Variants in TRIM51G observed in about 807,000 individuals in gnomAD.
TRIM51G encodes the protein tripartite motif-containing protein 51G.
At chr11:48,981,303 C>A in the TRIM51G span, 1 of 1,605,924 alleles carries the variant, frequency 6.2e-7, no homozygotes, top group Non-Finnish European at 8.5e-7. Context: ...CCTCAGCAGC[C>A]CACTCAGTGG....
the TRIM51G span, chr11:48,981,736 G>C: frequency 8.3e-6 from 13 of 1,570,750 alleles, no homozygotes; most frequent in Non-Finnish European, 9.6e-6. Flanking sequence ...TTTGGGTTCT[G>C]GGTTGGTGAA....
the TRIM51G span, among the ~76,000 whole-genome samples, chr11:48,982,587 G>A: frequency 6.6e-6 from 1 of 151,890 alleles, no homozygotes; most frequent in Non-Finnish European, 1.5e-5. Context: ...GCAGAGAGAA[G>A]GCAGTTTCCT....
the TRIM51G span, among the ~76,000 whole-genome samples, chr11:48,979,321 A>G: frequency 6.6e-6 from 1 of 152,192 alleles, no homozygotes; most frequent in African/African-American, 2.4e-5. Context: ...TTTCTAAGAT[A>G]GTTGTATAAA....
the TRIM51G span, chr11:48,980,813 A>G: frequency 7.5e-6 from 3 of 401,016 alleles, no homozygotes; most frequent in South Asian, 3.8e-5. Flanking sequence ...TGATTTCCAG[A>G]AACATTATGG....
chr11:48,983,810 A>G, the TRIM51G span, among the ~76,000 whole-genome samples: 4 of 152,130 alleles, frequency 2.6e-5, no homozygotes, highest in African/African-American at 7.2e-5. Flanking sequence ...CCCCAAGATC[A>G]GGAGTTCATT....
the TRIM51G span, chr11:48,981,654 G>T: frequency 4.4e-6 from 7 of 1,599,242 alleles, no homozygotes; most frequent in South Asian, 7.7e-5. Context: ...AGATGGGACA[G>T]ATGAGTTCCC....
chr11:48,979,109 T>G, the TRIM51G span: 6 of 764,918 alleles, frequency 7.8e-6, no homozygotes, highest in Non-Finnish European at 7.2e-6. Flanking sequence ...AATCCTGCAG[T>G]GACAATTAGT....
At chr11:48,978,161 CTG>C in the TRIM51G span, 7 of 530,464 alleles carry the variant, frequency 1.3e-5, no homozygotes, top group Non-Finnish European at 2.3e-5. Flanking sequence ...CTCCAAAAGA[CTG>C]TAAAAAAAAT....
chr11:48,983,444 A>G, the TRIM51G span, among the ~76,000 whole-genome samples: 1 of 152,106 alleles, frequency 6.6e-6, no homozygotes, highest in Non-Finnish European at 1.5e-5. Flanking sequence ...CTGTACCAAT[A>G]TTAGTACATG....
At chr11:48,977,441 A>G in the TRIM51G span, among the ~76,000 whole-genome samples, 1 of 152,140 alleles carries the variant, frequency 6.6e-6, no homozygotes, top group Non-Finnish European at 1.5e-5. Flanking sequence ...TAGTCTTAAG[A>G]CTGGGAGAAT....
the TRIM51G span, chr11:48,975,781 T>A: frequency 6.4e-7 from 1 of 1,564,310 alleles, no homozygotes. Context: ...CCAATAATTG[T>A]TACAGACACC....
the TRIM51G span, among the ~76,000 whole-genome samples, chr11:48,979,397 A>C: frequency 6.6e-6 from 1 of 152,302 alleles, no homozygotes; most frequent in South Asian, 2.1e-4. Context: ...AAGAATCAAA[A>C]TATCAAGTTA....
At chr11:48,978,147 A>G in the TRIM51G span, 8 of 528,936 alleles carry the variant, frequency 1.5e-5, no homozygotes, top group South Asian at 9.8e-5. Flanking sequence ...CCTTTGTAAT[A>G]TGTCTCCAAA....
At chr11:48,977,255 A>G in the TRIM51G span, 1 of 709,970 alleles carries the variant, frequency 1.4e-6, no homozygotes. Flanking sequence ...TTTATTTAAA[A>G]GACATTTCAT....
chr11:48,982,132 A>AT, the TRIM51G span, among the ~76,000 whole-genome samples: 1 of 151,972 alleles, frequency 6.6e-6, no homozygotes, highest in Non-Finnish European at 1.5e-5. Context: ...GCTATGACAT[A>AT]TTTTTAGAGA....
the TRIM51G span, chr11:48,981,423 T>A: frequency 1.4e-5 from 23 of 1,607,690 alleles, no homozygotes; most frequent in Non-Finnish European, 2.0e-5. Context: ...TCCCACATAT[T>A]TGCTCCTCAG....
At chr11:48,981,609 G>T in the TRIM51G span, 105 of 1,600,556 alleles carry the variant, frequency 6.6e-5, no homozygotes, top group Middle Eastern at 4.2e-4. Flanking sequence ...TGTGCCCACA[G>T]TCTATGGTGA....
the TRIM51G span, among the ~76,000 whole-genome samples, chr11:48,983,543 T>C: frequency 1.3e-5 from 2 of 151,874 alleles, no homozygotes; most frequent in Admixed American, 1.3e-4. Context: ...TCTAAAATTT[T>C]TCAAAAATAT....
the TRIM51G span, among the ~76,000 whole-genome samples, chr11:48,977,707 C>G: frequency 6.6e-6 from 1 of 152,224 alleles, no homozygotes; most frequent in African/African-American, 2.4e-5. Flanking sequence ...TAGAAATCAT[C>G]AACACTTTTC....
Sources: allele counts gnomAD v4.1 joint callset (sites outside exome capture counted in the v4.1 genomes callset), GRCh38; gene constraint gnomAD v4.1.1; transcripts MANE v1.5; gene names NCBI Gene and HGNC (gene_info 2026-07-23, HGNC 2026-07-21).